Variants in NRXN1 observed in about 807,000 individuals in gnomAD.
NRXN1 encodes the protein neurexin-1.
A neutral mutation model predicts 150.9 loss-of-function variants in NRXN1; 39 were observed. That is an observed-to-expected ratio of 0.26 (90% CI 0.20 to 0.34). The LOEUF (loss-of-function observed/expected upper bound fraction) is 0.34. Among genes scored for constraint, NRXN1 ranks in the 10% least tolerant of loss-of-function variants. The probability of loss-of-function intolerance (pLI) is 1.00; values close to 1 mark genes in which losing one functional copy is unlikely to be tolerated. For missense variants in NRXN1, 1,815 were observed against 1,949.9 expected (o/e 0.93, Z 1.30); for synonymous variants, 924 against 757.0 (o/e 1.22, Z -3.62).
In NRXN1 at chr2:50,347,253, C is replaced by T; in HGVS notation, c.3365-110283G>A. 2 of 1,319,450 alleles carry T rather than the reference C, an allele frequency of 1.5e-6. No homozygotes were observed. The highest frequency in any genetic ancestry group is 3.0e-5 in the African/African-American group (2 of 66,816). The allele number at this position is 1,319,450 out of a possible 1,614,324, so 81.7% of individuals were successfully genotyped here. On this transcript the variant is annotated intron_variant, in intron 17 of 22. Coordinates refer to ENST00000401669, the MANE Select transcript of NRXN1 (RefSeq NM_001330078.2). This position sits in a 1 kb window ranked among gnomAD's most constrained non-coding sequence, Gnocchi z 4.9. ...GGTGGCTGCTCCCAGATTTCCAGGGCTCCAGGTTCTCGAGAGATACTCCCA... is the reference window on the plus strand; with the variant it reads ...GGTGGCTGCTCCCAGATTTCCAGGGTTCCAGGTTCTCGAGAGATACTCCCA...
intron 5 of NRXN1, among the ~76,000 whole-genome samples, chr2:50,788,138 G>T (rs924659278): frequency 6.6e-6 from 1 of 151,156 alleles, no homozygotes; most frequent in East Asian, 2.0e-4. Flanking sequence ...CCAGGCTGGA[G>T]TGTAGTGGCG....
At chr2:50,027,082 C>T (rs1357473384) in intron 21 of NRXN1, among the ~76,000 whole-genome samples, 1 of 151,494 alleles carries the variant, frequency 6.6e-6, no homozygotes, top group Non-Finnish European at 1.5e-5. Context: ...CGGGGTTTCA[C>T]CATGTTAGTC....
intron 2 of NRXN1, among the ~76,000 whole-genome samples, chr2:51,024,608 A>G (rs1350320128): frequency 1.3e-5 from 2 of 152,198 alleles, no homozygotes; most frequent in Non-Finnish European, 2.9e-5. Flanking sequence ...TCATTCAATA[A>G]AAATATTCTG....
intron 2 of NRXN1, among the ~76,000 whole-genome samples, chr2:50,996,507 G>A (rs1699304219): frequency 6.6e-6 from 1 of 151,988 alleles, no homozygotes; most frequent in Non-Finnish European, 1.5e-5. Context: ...TTTAATTAGT[G>A]TCAAAGACAG....
chr2:50,520,015 G>A (rs1427958696), intron 12 of NRXN1, among the ~76,000 whole-genome samples: 6 of 151,942 alleles, frequency 3.9e-5, no homozygotes, highest in African/African-American at 1.2e-4. Flanking sequence ...AGAACGGGGT[G>A]CAAAACATTC....
At chr2:50,593,744 C>G (rs6545182) in intron 8 of NRXN1, among the ~76,000 whole-genome samples, 87,044 of 151,894 alleles carry the variant, frequency 0.57, 25,188 homozygotes, top group East Asian at 0.74. Flanking sequence ...AAAGATTAAA[C>G]AAGTGTTTTA....
intron 5 of NRXN1, among the ~76,000 whole-genome samples, chr2:50,794,113 G>T (rs1410253847): frequency 6.6e-6 from 1 of 152,032 alleles, no homozygotes; most frequent in Non-Finnish European, 1.5e-5. Context: ...TAGTTCTGAG[G>T]CTGTGAAACC....
intron 18 of NRXN1, among the ~76,000 whole-genome samples, chr2:50,126,946 C>T (rs1398772189): frequency 6.6e-6 from 1 of 152,066 alleles, no homozygotes; most frequent in African/African-American, 2.4e-5. Flanking sequence ...ATTTACTCTC[C>T]CAATAAACCT....
At chr2:50,155,590 A>G (rs1234520831) in intron 18 of NRXN1, among the ~76,000 whole-genome samples, 1 of 151,666 alleles carries the variant, frequency 6.6e-6, no homozygotes, top group Non-Finnish European at 1.5e-5. Flanking sequence ...AAACAATACA[A>G]GTTTAAAGCT....
chr2:49,923,348 T>A (rs1668549136), intron 22 of NRXN1, among the ~76,000 whole-genome samples: 1 of 152,208 alleles, frequency 6.6e-6, no homozygotes, highest in African/African-American at 2.4e-5. Flanking sequence ...TGTTTTTCCC[T>A]GAATCTCTAT....
chr2:50,366,396 C>A (rs1246589729), intron 17 of NRXN1, among the ~76,000 whole-genome samples: 1 of 151,634 alleles, frequency 6.6e-6, no homozygotes, highest in Non-Finnish European at 1.5e-5. Context: ...GTAGCCCTGT[C>A]CTTGGCTCAC....
intron 17 of NRXN1, among the ~76,000 whole-genome samples, chr2:50,373,648 A>C (rs1022650307): frequency 9.3e-6 from 1 of 107,786 alleles, no homozygotes; most frequent in African/African-American, 3.5e-5. Flanking sequence ...GAAAGAAAGA[A>C]AGAAAGAAAG....
At chr2:50,109,781 A>G (rs1223475323) in intron 18 of NRXN1, among the ~76,000 whole-genome samples, 1 of 152,140 alleles carries the variant, frequency 6.6e-6, no homozygotes, top group Admixed American at 6.6e-5. Flanking sequence ...ATATTTAGAT[A>G]GTATAAATGT....
At chr2:50,892,605 G>A (rs1681239194) in intron 5 of NRXN1, among the ~76,000 whole-genome samples, 1 of 152,082 alleles carries the variant, frequency 6.6e-6, no homozygotes, top group South Asian at 2.1e-4. Context: ...CCAATCCTTT[G>A]AAACTACCTT....
At chr2:50,603,677 T>C (rs866697056) in intron 8 of NRXN1, among the ~76,000 whole-genome samples, 7 of 152,180 alleles carry the variant, frequency 4.6e-5, no homozygotes, top group African/African-American at 9.7e-5. Context: ...AAGAAATTTA[T>C]ATAAAAATGT....
intron 18 of NRXN1, among the ~76,000 whole-genome samples, chr2:50,229,448 T>C (rs950544862): frequency 6.6e-6 from 1 of 152,084 alleles, no homozygotes; most frequent in African/African-American, 2.4e-5. Flanking sequence ...TCTTTTTTTC[T>C]TCCATCAATC....
intron 17 of NRXN1, among the ~76,000 whole-genome samples, chr2:50,381,197 G>A (rs528715196): frequency 6.6e-6 from 1 of 151,674 alleles, no homozygotes; most frequent in Non-Finnish European, 1.5e-5. Context: ...CAAAAGCCTA[G>A]AGAACAAGAC....
intron 5 of NRXN1, among the ~76,000 whole-genome samples, chr2:50,683,112 T>C (rs996657141): frequency 1.3e-5 from 2 of 152,104 alleles, no homozygotes; most frequent in Non-Finnish European, 2.9e-5. Context: ...GTCTCTATCC[T>C]GCAATCCTAA....
At chr2:50,939,155 G>T (rs1329517050) in intron 2 of NRXN1, among the ~76,000 whole-genome samples, 2 of 139,204 alleles carry the variant, frequency 1.4e-5, no homozygotes, top group Non-Finnish European at 3.0e-5. Flanking sequence ...AGCTTGCAGT[G>T]AGCTGAGATC....
Sources: allele counts gnomAD v4.1 joint callset (sites outside exome capture counted in the v4.1 genomes callset), GRCh38; gene constraint gnomAD v4.1.1; non-coding constraint Gnocchi (gnomAD v3.1); transcripts MANE v1.5; gene names NCBI Gene and HGNC (gene_info 2026-07-23, HGNC 2026-07-21).